GPR176: variants seen among roughly 807,000 people sequenced by gnomAD.
The protein encoded by GPR176 is G protein-coupled receptor 176.
In GPR176, 26 loss-of-function variants were observed where a neutral mutation model predicts 35.4. That is an observed-to-expected ratio of 0.74 (90% CI 0.54 to 1.02). The LOEUF (loss-of-function observed/expected upper bound fraction) is 1.02, where lower values mean the gene tolerates loss of function less well. GPR176 is among the 50% of genes least tolerant of loss of function. GPR176 has a pLI of 0.00. For missense variants in GPR176, 597 were observed against 665.3 expected, an observed-to-expected ratio of 0.90 and a Z score of 1.13; for synonymous variants, 278 against 271.3, an observed-to-expected ratio of 1.02 and a Z score of -0.24.
chr15:39,814,879 C>T (rs575968766), intron 1 of GPR176: 2 of 152,154 alleles, frequency 1.3e-5, no homozygotes, highest in Non-Finnish European at 1.5e-5. Flanking sequence ...AGACTCAATA[C>T]CCAGCTCTGT....
At chr15:39,919,825 C>A (rs749157323) in intron 1 of GPR176, 30 bp downstream of exon 1, 5 of 1,372,464 alleles carry the variant, frequency 3.6e-6, no homozygotes, top group Non-Finnish European at 4.7e-6. Flanking sequence ...CGGGGAGGCC[C>A]GGTCCGGAGG....
Position 39,807,202 on chromosome 15 carries a change from T to G in GPR176, c.229A>C (p.Asn77His), listed in dbSNP as rs1418271425. 4 of 1,613,146 alleles carry G rather than the reference T, an allele frequency of 2.5e-6. No homozygotes were observed. The highest frequency in any genetic ancestry group is 3.3e-5 in the Admixed American group (2 of 59,768). ...CRTTVFKSVTNRFIKNLACSG... is the reference protein window; with the variant it reads ...CRTTVFKSVTHRFIKNLACSG... ...CAGGCCAGGTTTTTAATGAACCTGT[T>G]GGTGACAGATTTGAACACGGTTGTG... is the stretch of plus-strand genomic sequence containing the variant. Residue 77 changes from asparagine (N) to histidine (H), a missense_variant, in exon 2 of 3, where the codon AAC becomes CAC. By Grantham distance (68) the Asn-to-His change is moderately conservative. This residue lies in a region of GPR176 where 126 missense variants were observed against 112.4 expected (regional missense o/e 1.12). Transcript: ENST00000561100.
At chr15:39,844,116 G>T (rs72729424) in intron 1 of GPR176, among the ~76,000 whole-genome samples, 3,805 of 152,120 alleles carry the variant, frequency 0.025, 57 homozygotes, top group Middle Eastern at 0.068. Flanking sequence ...TTTTCTCCAT[G>T]CCCCTTTCAA....
chr15:39,817,068 C>CAAAAA (rs58812005), intron 1 of GPR176, among the ~76,000 whole-genome samples: 2 of 77,292 alleles, frequency 2.6e-5, no homozygotes, highest in Admixed American at 1.7e-4. Context: ...GATTCTGTCT[C>CAAAAA]AAAAAAAAAA....
intron 1 of GPR176, among the ~76,000 whole-genome samples, chr15:39,883,959 A>G (rs2032578504): frequency 6.6e-6 from 1 of 152,220 alleles, no homozygotes; most frequent in African/African-American, 2.4e-5. Flanking sequence ...AGCCTGCTCA[A>G]TGGAACTGCC....
intron 1 of GPR176, among the ~76,000 whole-genome samples, chr15:39,859,474 A>G (rs1435836649): frequency 6.9e-6 from 1 of 145,510 alleles, no homozygotes; most frequent in Non-Finnish European, 1.5e-5. Flanking sequence ...CCTCATGTCC[A>G]TTAGGATGGC....
chr15:39,848,152 G>A (rs920693269), intron 1 of GPR176, among the ~76,000 whole-genome samples: 3 of 152,042 alleles, frequency 2.0e-5, no homozygotes, highest in African/African-American at 4.8e-5. Context: ...ATTACAATTC[G>A]ACATGAGATT....
intron 1 of GPR176, among the ~76,000 whole-genome samples, chr15:39,847,859 G>T (rs2030559224): frequency 6.7e-6 from 1 of 150,172 alleles, no homozygotes; most frequent in Non-Finnish European, 1.5e-5. Flanking sequence ...AACTTATAAA[G>T]AAAGAGGTTC....
intron 1 of GPR176, among the ~76,000 whole-genome samples, chr15:39,852,525 C>T (rs1445715466): frequency 6.6e-6 from 1 of 152,232 alleles, no homozygotes; most frequent in Non-Finnish European, 1.5e-5. Flanking sequence ...AACTAGTCCA[C>T]ACCCATCAAC....
rs146846872 is a variant in GPR176 at position 39,913,873 on chromosome 15, T to C, written c.172+5982A>G. Among the ~76,000 whole-genome samples, 318 of 152,226 alleles carry C rather than the reference T, an allele frequency of 2.1e-3. 5 individuals carry two copies. In the East Asian group the frequency reaches 0.055, roughly 26 times the overall value. ...CATCCTGGCTAACACGGTGAAACCCTGTCTCTACTAAAAATACAAAACATT... is the reference window on the plus strand; with the variant it reads ...CATCCTGGCTAACACGGTGAAACCCCGTCTCTACTAAAAATACAAAACATT... On this transcript the variant is annotated intron_variant, in intron 1 of 2. Transcript: ENST00000561100.
intron 1 of GPR176, among the ~76,000 whole-genome samples, chr15:39,835,176 C>A (rs1295884323): frequency 6.6e-6 from 1 of 151,902 alleles, no homozygotes; most frequent in Non-Finnish European, 1.5e-5. Flanking sequence ...TGCCACCATG[C>A]CCGGTTAATT....
intron 1 of GPR176, among the ~76,000 whole-genome samples, chr15:39,896,910 C>CT (rs1222172125): frequency 6.6e-6 from 1 of 152,232 alleles, no homozygotes; most frequent in Non-Finnish European, 1.5e-5. Context: ...TGACCAAGTA[C>CT]TTTCTCACAA....
Position 39,801,715 on chromosome 15 carries a change from G to GTA in GPR176, c.963_964dup (p.Thr322IlefsTer3). 6.2e-7 allele frequency: 1 copy of GTA among 1,613,118 alleles called. No homozygotes were observed. Among genetic ancestry groups the GTA allele is most frequent in the Non-Finnish European group, 8.5e-7 (1 of 1,179,164 alleles). On this transcript the variant is annotated frameshift_variant, in exon 3 of 3. Transcript: ENST00000561100. LOFTEE classifies it high-confidence loss of function. ...GCACTTGCGGACAGATTTGTTCACA[G>GTA]TAAGAAAGAGAACAGGGTTTGCCAG...
intron 1 of GPR176, among the ~76,000 whole-genome samples, chr15:39,899,238 C>T (rs955629741): frequency 1.3e-5 from 2 of 152,226 alleles, no homozygotes; most frequent in African/African-American, 2.4e-5. Flanking sequence ...CAGCAACCCC[C>T]TGCTTTGCCT....
chr15:39,840,680 T>C (rs909386229), intron 1 of GPR176, among the ~76,000 whole-genome samples: 6 of 152,134 alleles, frequency 3.9e-5, no homozygotes, highest in African/African-American at 1.4e-4. Flanking sequence ...ACATTGTCAA[T>C]GTAAGAACCA....
intron 1 of GPR176, among the ~76,000 whole-genome samples, chr15:39,872,057 A>G (rs1034869769): frequency 3.9e-5 from 6 of 152,238 alleles, no homozygotes; most frequent in African/African-American, 7.2e-5. Context: ...CCACTGAGTT[A>G]GGCTCTATAG....
intron 1 of GPR176, among the ~76,000 whole-genome samples, chr15:39,844,347 CA>C (rs2030251745): frequency 6.6e-6 from 1 of 152,036 alleles, no homozygotes; most frequent in African/African-American, 2.4e-5. Context: ...AGGTAGTTTC[CA>C]ACCACACATC....
At chr15:39,816,994 A>C (rs2140803202) in intron 1 of GPR176, among the ~76,000 whole-genome samples, 1 of 144,064 alleles carries the variant, frequency 6.9e-6, no homozygotes, top group African/African-American at 2.5e-5. Context: ...ACCTGAGTCT[A>C]GGAGTTGGAG....
At chr15:39,907,565 C>T (rs757623917) in intron 1 of GPR176, among the ~76,000 whole-genome samples, 1 of 152,224 alleles carries the variant, frequency 6.6e-6, no homozygotes, top group Non-Finnish European at 1.5e-5. Context: ...CCATAATTGA[C>T]TGTAGCAAGA....
Sources: allele counts gnomAD v4.1 joint callset (sites outside exome capture counted in the v4.1 genomes callset), GRCh38; gene constraint gnomAD v4.1.1; regional missense constraint gnomAD v4.1.1; transcripts MANE v1.5; gene names NCBI Gene and HGNC (gene_info 2026-07-23, HGNC 2026-07-21).